SCLT1: variants seen among roughly 807,000 people sequenced by gnomAD.
The protein encoded by SCLT1 is sodium channel-associated protein 1.
Under a neutral mutation model 112.8 loss-of-function variants are expected in SCLT1, and 78 were observed. That is an observed-to-expected ratio of 0.69 (90% CI 0.58 to 0.83). SCLT1 has a LOEUF of 0.83. SCLT1 is among the 40% of genes least tolerant of loss of function. SCLT1 has a pLI of 0.00. For synonymous variants in SCLT1, 257 were observed against 254.7 expected, an observed-to-expected ratio of 1.01 and a Z score of -0.09; for missense variants, 747 against 770.4, an observed-to-expected ratio of 0.97 and a Z score of 0.36.
chr4:128,906,364 A>AT lies in SCLT1; in HGVS notation c.1830-15228dup, dbSNP rs532199521. Among the ~76,000 whole-genome samples the AT allele has an allele frequency of 1.1e-3, 174 of 151,860 alleles. 2 individuals are homozygous for AT. Among genetic ancestry groups the AT allele is most frequent in the Admixed American group, 2.3e-3 (35 of 15,236 alleles). On this transcript the variant is annotated intron_variant, in intron 18 of 20. Coordinates refer to ENST00000281142, the MANE Select transcript of SCLT1 (RefSeq NM_144643.4). ...AGGTGCCCACCACCACACCTGGCTA[A>AT]TTTTTTTCTATTTTTAGTAGAGACG...
At chr4:128,875,273 T>C (rs1216532969) in intron 4 of SCLT1, 5 of 152,676 alleles carry the variant, frequency 3.3e-5, no homozygotes, top group Non-Finnish European at 2.9e-5. Context: ...TAAAGGTATA[T>C]ATGACTTAGC....
chr4:129,033,624 C>T (rs1313207356), intron 5 of SCLT1, among the ~76,000 whole-genome samples: 1 of 150,552 alleles, frequency 6.6e-6, no homozygotes, highest in Non-Finnish European at 1.5e-5. Flanking sequence ...CTAGATAATG[C>T]GCTCAGGAAT....
chr4:129,011,684 T>C (rs938301948), intron 5 of SCLT1, among the ~76,000 whole-genome samples: 3 of 152,168 alleles, frequency 2.0e-5, no homozygotes, highest in Non-Finnish European at 4.4e-5. Flanking sequence ...TTTTGGTTCA[T>C]AGGCTATTTA....
chr4:129,014,989 G>A (rs1042887967), intron 5 of SCLT1, among the ~76,000 whole-genome samples: 3 of 152,102 alleles, frequency 2.0e-5, no homozygotes, highest in Admixed American at 6.5e-5. Flanking sequence ...ACAGGTCTGT[G>A]TGCCTTCTCT....
intron 9 of SCLT1, among the ~76,000 whole-genome samples, chr4:128,976,327 C>T (rs373660150): frequency 1.3e-5 from 2 of 152,188 alleles, no homozygotes; most frequent in African/African-American, 4.8e-5. Context: ...AAAATACCTA[C>T]AAGATTGACA....
At chr4:128,915,229 G>A (rs1356739764) in intron 18 of SCLT1, among the ~76,000 whole-genome samples, 3 of 152,138 alleles carry the variant, frequency 2.0e-5, no homozygotes, top group Admixed American at 2.0e-4. Flanking sequence ...GGTGCCTGTG[G>A]ACATACATGC....
chr4:128,887,294 T>C (rs1260386941), intron 20 of SCLT1, among the ~76,000 whole-genome samples: 2 of 152,118 alleles, frequency 1.3e-5, no homozygotes, highest in Non-Finnish European at 2.9e-5. Flanking sequence ...TCATAAGACA[T>C]AAAAATTATT....
intron 2 of SCLT1, among the ~76,000 whole-genome samples, chr4:129,062,743 T>C (rs1750104333): frequency 6.6e-6 from 1 of 152,194 alleles, no homozygotes; most frequent in South Asian, 2.1e-4. Flanking sequence ...AAGGTATCTG[T>C]TGAGAAATCC....
At chr4:129,076,386 T>C (rs1751465433) in intron 2 of SCLT1, among the ~76,000 whole-genome samples, 1 of 152,184 alleles carries the variant, frequency 6.6e-6, no homozygotes. Context: ...CCTTTCTTTT[T>C]ATTCTACCTT....
At chr4:129,075,723 C>T (rs1472810853) in intron 2 of SCLT1, among the ~76,000 whole-genome samples, 1 of 152,168 alleles carries the variant, frequency 6.6e-6, no homozygotes, top group Non-Finnish European at 1.5e-5. Flanking sequence ...GAAAGATCTA[C>T]TGGACAGTGC....
At chr4:128,938,768 G>A (rs904668836) in intron 17 of SCLT1, among the ~76,000 whole-genome samples, 35 of 152,124 alleles carry the variant, frequency 2.3e-4, no homozygotes, top group African/African-American at 7.2e-4. Context: ...GATTACTTGA[G>A]GTCAGGAGTT....
intron 5 of SCLT1, among the ~76,000 whole-genome samples, chr4:129,026,330 C>T (rs937838642): frequency 5.3e-5 from 8 of 152,020 alleles, no homozygotes; most frequent in African/African-American, 1.5e-4. Context: ...TGTAAAAGAA[C>T]GGAAATTATA....
At chr4:128,913,288 T>C (rs1441845986) in intron 18 of SCLT1, among the ~76,000 whole-genome samples, 1 of 152,192 alleles carries the variant, frequency 6.6e-6, no homozygotes, top group African/African-American at 2.4e-5. Flanking sequence ...ACTGGAGCAT[T>C]ACAGCCAAGT....
intron 18 of SCLT1, among the ~76,000 whole-genome samples, chr4:128,900,566 TA>T (rs1734193592): frequency 6.6e-6 from 1 of 152,140 alleles, no homozygotes; most frequent in Non-Finnish European, 1.5e-5. Flanking sequence ...CCTAAAACTA[TA>T]AAAACCCTAG....
At chr4:128,904,063 G>C (rs1300349356) in intron 18 of SCLT1, among the ~76,000 whole-genome samples, 1 of 152,100 alleles carries the variant, frequency 6.6e-6, no homozygotes, top group African/African-American at 2.4e-5. Context: ...CTTGCCGGAA[G>C]ACACAGAGAT....
rs1288911176 is a variant in SCLT1, at chr4:128,999,808, T to C, written c.427-14A>G. ...CTGAGTTTTTTCCTATTAAAAAAGT[T>C]TGATAACTCATTAAATTATCAGCAG... On this transcript the variant is annotated splice_polypyrimidine_tract_variant and intron_variant, in intron 6 of 20. Transcript: ENST00000281142. The C allele has an allele frequency of 3.2e-6, 5 of 1,582,338 alleles. No individual in the cohort carries two copies. The highest frequency in any genetic ancestry group is 3.7e-5 in the Admixed American group (2 of 54,682).
intron 2 of SCLT1, among the ~76,000 whole-genome samples, chr4:129,070,186 A>G (rs1289744892): frequency 1.3e-5 from 2 of 152,106 alleles, no homozygotes; most frequent in African/African-American, 4.8e-5. Flanking sequence ...TTTAGTATCT[A>G]TGTTTATCAA....
At chr4:128,929,439 T>A (rs1239788189) in intron 18 of SCLT1, among the ~76,000 whole-genome samples, 1 of 152,224 alleles carries the variant, frequency 6.6e-6, no homozygotes, top group African/African-American at 2.4e-5. Flanking sequence ...ATCAAATTTA[T>A]TTAAGGAACT....
intron 9 of SCLT1, among the ~76,000 whole-genome samples, chr4:128,985,592 C>T (rs192576251): frequency 3.5e-4 from 53 of 152,290 alleles, no homozygotes; most frequent in East Asian, 2.7e-3. Context: ...TTACAATACA[C>T]GCATTGTAAA....
Sources: gnomAD v4.1 joint callset for allele counts (sites outside exome capture counted in the v4.1 genomes callset) on GRCh38, gnomAD v4.1.1 for gene constraint, MANE v1.5 for transcripts, NCBI Gene and HGNC (gene_info 2026-07-23, HGNC 2026-07-21) for gene names.